Variants in PEX6 observed in about 807,000 individuals in gnomAD.
PEX6 encodes the protein peroxisomal biogenesis factor 6.
PEX6 carries 55 observed loss-of-function variants against 85.6 expected under a neutral mutation model. The observed-to-expected ratio is 0.64, with a 90% CI of 0.52 to 0.80. The LOEUF is 0.80. Ranked by LOEUF, PEX6 falls within the 30% of genes least tolerant of loss-of-function variation. The probability of loss-of-function intolerance (pLI) is 0.00; values close to 1 mark genes in which losing one functional copy is unlikely to be tolerated. For synonymous variants in PEX6, 519 were observed against 549.1 expected (o/e 0.95, Z 0.77); for missense variants, 1,099 against 1,260.3 (o/e 0.87, Z 1.94).
At position 42,974,099 on chromosome 6, in the gene PEX6, A is replaced by C. The variant is rs1272249304; in HGVS notation, c.1047-13T>G. On this transcript the variant is annotated splice_polypyrimidine_tract_variant and intron_variant, in intron 2 of 16. Coordinates refer to ENST00000304611, the MANE Select transcript of PEX6 (RefSeq NM_000287.4). ...TTCCTGGACTACCCTGCAACACAGC[A>C]GTGGCCCTGGTCAGGTCACAATGGG... The C allele has an allele frequency of 1.2e-6, 2 of 1,608,410 alleles. No homozygotes were observed. Among genetic ancestry groups the C allele is most frequent in the African/African-American group, 2.7e-5 (2 of 74,830 alleles).
chr6:42,974,903 C>T lies in PEX6; in HGVS notation c.1018G>A (p.Val340Ile). The change falls in exon 2 of 17, where the codon GTT (valine) becomes ATT (isoleucine). Residue 340 changes from valine (V) to isoleucine (I), a missense_variant. Coordinates refer to ENST00000304611, the MANE Select transcript of PEX6 (RefSeq NM_000287.4). ...GGTATCTGAAAGTGCCGGTAAAGAACACCGTCATAATTTCCATTAGTGCTG... is the reference window on the plus strand; with the variant it reads ...GGTATCTGAAAGTGCCGGTAAAGAATACCGTCATAATTTCCATTAGTGCTG... ...HYSTNGNYDG[V>I]LYRHFQIPRV... 6.2e-7 allele frequency: 1 copy of T among 1,614,064 alleles called. No individual in the cohort carries two copies. Among genetic ancestry groups the T allele is most frequent in the South Asian group, 1.1e-5 (1 of 91,080 alleles).
intron 1 of PEX6, among the ~76,000 whole-genome samples, chr6:42,975,719 T>G (rs889066594): frequency 1.3e-5 from 2 of 152,064 alleles, no homozygotes; most frequent in Non-Finnish European, 2.9e-5. Flanking sequence ...TTAGTTTTTT[T>G]TTTTTTTTTG....
Position 42,964,680 on chromosome 6 carries a change from C to T in PEX6, c.2806+110G>A, listed in dbSNP as rs1162155118. 6.7e-7 allele frequency: 1 copy of T among 1,482,274 alleles called. No individual in the cohort carries two copies. Among genetic ancestry groups the T allele is most frequent in the African/African-American group, 1.4e-5 (1 of 72,234 alleles). 91.8% of individuals were successfully genotyped at this position (1,482,274 alleles called of 1,614,324 possible). On this transcript the variant is annotated intron_variant, in intron 16 of 16. Transcript: ENST00000304611. This position sits in a 1 kb window ranked among gnomAD's most constrained non-coding sequence, Gnocchi z 4.6. Reference sequence around the variant, plus strand: ...GTGTTGCCCAGGCTGGCCTCAAACTCCTGGGCTCAAGCGATCCTCCCACCT... The same window carrying T: ...GTGTTGCCCAGGCTGGCCTCAAACTTCTGGGCTCAAGCGATCCTCCCACCT...
chr6:42,965,457 A>G lies in PEX6; in HGVS notation c.2472-89T>C, dbSNP rs1007319339. 9.5e-7 allele frequency: 1 copy of G among 1,056,490 alleles called. No homozygotes were observed. The highest frequency in any genetic ancestry group is 1.5e-6 in the Non-Finnish European group (1 of 675,128). The allele number at this position is 1,056,490 out of a possible 1,614,324, so 65.4% of individuals were successfully genotyped here. A position where few individuals can be genotyped will look rare whatever the true frequency, so the allele number is the denominator to read the frequency against. ...GGTACCTCTCTTTACAGGCAGTCTC[A>G]ACAGGGCCCTCCACTCAGCTGTGCC... On this transcript the variant is annotated intron_variant, in intron 13 of 16. Transcript: ENST00000304611. The surrounding 1 kb of genome is among the most constrained non-coding windows in gnomAD (Gnocchi z 5.0).
chr6:42,964,584 C>T lies in PEX6; in HGVS notation c.2807-113G>A. On this transcript the variant is annotated intron_variant, in intron 16 of 16. Coordinates refer to ENST00000304611, the MANE Select transcript of PEX6 (RefSeq NM_000287.4). The surrounding 1 kb of genome is among the most constrained non-coding windows in gnomAD (Gnocchi z 4.6). ...ATGTCAATGATCTTCCCTCTGGAATCCAGGACTAGGTTTGTCTCCCACTAG... is the reference window on the plus strand; with the variant it reads ...ATGTCAATGATCTTCCCTCTGGAATTCAGGACTAGGTTTGTCTCCCACTAG... The T allele has an allele frequency of 1.5e-5, 21 of 1,411,256 alleles. No individual in the cohort carries two copies. Among genetic ancestry groups the T allele is most frequent in the Non-Finnish European group, 2.1e-5 (21 of 1,006,594 alleles). The allele number at this position is 1,411,256 out of a possible 1,614,324, so 87.4% of individuals were successfully genotyped here.
chr6:42,966,186 C>T (rs1009779057), intron 11 of PEX6, 56 bp downstream of exon 11: 7 of 1,609,838 alleles, frequency 4.3e-6, no homozygotes, highest in Non-Finnish European at 5.9e-6. Context: ...CCTCCTGCTC[C>T]CCAGCCTGCT....
rs772383329 is a variant in PEX6 at position 42,978,856 on chromosome 6, G to A, written c.295C>T (p.Arg99Trp). The change falls in exon 1 of 17, where the codon CGG (arginine) becomes TGG (tryptophan). Residue 99 changes from arginine (R) to tryptophan (W), a missense_variant. Coordinates refer to ENST00000304611, the MANE Select transcript of PEX6 (RefSeq NM_000287.4). Reference protein sequence around the residue: ...GAWVRARAVRRPPALGWALLG... With the variant: ...GAWVRARAVRWPPALGWALLG... ...AGTGCCCAACCTAGCGCCGGGGGCCGCCGCACCGCCCGCGCCCGCACCCAG... is the reference window on the plus strand; with the variant it reads ...AGTGCCCAACCTAGCGCCGGGGGCCACCGCACCGCCCGCGCCCGCACCCAG... 131 of 1,503,010 alleles carry A rather than the reference G, an allele frequency of 8.7e-5. No homozygotes were observed. The highest frequency in any genetic ancestry group is 1.1e-4 in the Non-Finnish European group (124 of 1,134,906). The allele number at this position is 1,503,010 out of a possible 1,614,324, so 93.1% of individuals were successfully genotyped here.
At position 42,967,479 on chromosome 6, in the gene PEX6, G is replaced by A. The variant is rs56328719; in HGVS notation, c.1773C>T (p.Leu591=). ...ADVQTAFPHE[L]EVPALSEGQR... ...GCCCCTCTGACAGAGCAGGCACCTCGAGCTCATGAGGAAATGCTGTCTGCA... is the reference window on the plus strand; with the variant it reads ...GCCCCTCTGACAGAGCAGGCACCTCAAGCTCATGAGGAAATGCTGTCTGCA... Residue 591 remains leucine, a synonymous_variant, in exon 8 of 17, where the codon CTC becomes CTT. Transcript: ENST00000304611. 3.8e-5 allele frequency: 61 copies of A among 1,610,932 alleles called. No homozygotes were observed. Among genetic ancestry groups the A allele is most frequent in the African/African-American group, 2.0e-4 (15 of 74,884 alleles).
chr6:42,967,925 A>G (rs1325598881), intron 7 of PEX6, among the ~76,000 whole-genome samples: 2 of 146,180 alleles, frequency 1.4e-5, no homozygotes, highest in Non-Finnish European at 3.0e-5. Context: ...GAAAAGTAGG[A>G]GGGCTGGCCC....
chr6:42,965,852 G>T lies in PEX6; in HGVS notation c.2363-63C>A. The T allele has an allele frequency of 6.9e-7, 1 of 1,452,204 alleles. No homozygotes were observed. 90.0% of individuals were successfully genotyped at this position (1,452,204 alleles called of 1,614,324 possible). A position where few individuals can be genotyped will look rare whatever the true frequency, so the allele number is the denominator to read the frequency against. On this transcript the variant is annotated intron_variant, in intron 12 of 16. Transcript: ENST00000304611. This position sits in a 1 kb window ranked among gnomAD's most constrained non-coding sequence, Gnocchi z 5.0. The stretch of plus-strand genomic sequence containing the variant: ...GGCTTGTGGGGGGTTGAAGTTAGGT[G>T]AGAGCAGGGAGGGAAACTGGGGCCT...
At position 42,966,603 on chromosome 6, in the gene PEX6, A is replaced by C; in HGVS notation, c.2016T>G (p.Phe672Leu). The change falls in exon 10 of 17, where the codon TTT becomes TTG. Residue 672 changes from phenylalanine (F) to leucine (L), a missense_variant. Phe to Leu is a conservative substitution (Grantham distance 22). This residue lies in a region of PEX6 where 514 missense variants were observed against 627.0 expected (regional missense o/e 0.82). Coordinates refer to ENST00000304611, the MANE Select transcript of PEX6 (RefSeq NM_000287.4). ...EDEGELCAAG[F>L]PLLAEDFGQA... ...GCCCAAAGTCCTCAGCCAGGAGAGG[A>C]AAGCCGGCAGCACACAGCTCCCCCT... 1 of 1,613,990 alleles carries C rather than the reference A, an allele frequency of 6.2e-7. No homozygotes were observed. Among genetic ancestry groups the C allele is most frequent in the Non-Finnish European group, 8.5e-7 (1 of 1,179,994 alleles).
chr6:42,966,287 A>C lies in PEX6; in HGVS notation c.2255T>G (p.Leu752Arg). The change falls in exon 11 of 17, where the codon CTT (leucine) becomes CGT (arginine). Residue 752 changes from leucine (L) to arginine (R), a missense_variant. Around this residue, in one of 3 missense-constraint regions of PEX6, gnomAD observed 514 missense variants for 627.0 expected, o/e 0.82. Transcript: ENST00000304611. The stretch of plus-strand genomic sequence containing the variant: ...CTCAGTGGCTACTGCCTTGGCCAGA[A>C]GGGTCTTGCCGGTGCCAGGGGGCCC... ...LHGPPGTGKT[L>R]LAKAVATECS... 1 of 1,612,486 alleles carries C rather than the reference A, an allele frequency of 6.2e-7. No individual in the cohort carries two copies. Among genetic ancestry groups the C allele is most frequent in the Admixed American group, 1.7e-5 (1 of 60,024 alleles).
intron 3 of PEX6, 59 bp downstream of exon 3, chr6:42,973,944 G>A: frequency 8.8e-7 from 1 of 1,138,828 alleles, no homozygotes; most frequent in Non-Finnish European, 1.3e-6. Context: ...GGAGGGGATT[G>A]TAGAACTCAT....
rs1003757273 is a variant in PEX6 at position 42,965,041 on chromosome 6, A to C, written c.2666+34T>G. On this transcript the variant is annotated intron_variant, in intron 15 of 16. Coordinates refer to ENST00000304611, the MANE Select transcript of PEX6 (RefSeq NM_000287.4). The surrounding 1 kb of genome is among the most constrained non-coding windows in gnomAD (Gnocchi z 5.0). ...GCATCCCCTAAGCATCCCAAGGCCC[A>C]AGCCCTTCGCAGTCTTCCTCTAACA... 6.2e-7 allele frequency: 1 copy of C among 1,612,872 alleles called. No individual in the cohort carries two copies. The highest frequency in any genetic ancestry group is 1.3e-5 in the African/African-American group (1 of 75,038).
rs1456126087 is a variant in PEX6 at position 42,963,939 on chromosome 6, C to T, written c.*396G>A. 4.9e-6 allele frequency: 3 copies of T among 609,402 alleles called. No individual in the cohort carries two copies. The highest frequency in any genetic ancestry group is 8.9e-6 in the Non-Finnish European group (3 of 336,794). 37.7% of individuals were successfully genotyped at this position (609,402 alleles called of 1,614,324 possible). On this transcript the variant is annotated 3_prime_UTR_variant, in exon 17 of 17. Transcript: ENST00000304611. Reference sequence around the variant, plus strand: ...CTCCCATGCTGCCCACCCCCCCACCCTCTCCCAGGGCTTACTCCTCCCACA... The same window carrying T: ...CTCCCATGCTGCCCACCCCCCCACCTTCTCCCAGGGCTTACTCCTCCCACA...
chr6:42,977,514 G>A (rs1360755209), intron 1 of PEX6, among the ~76,000 whole-genome samples: 2 of 151,956 alleles, frequency 1.3e-5, no homozygotes, highest in Non-Finnish European at 2.9e-5. Flanking sequence ...TCAATAGGCC[G>A]GGTGAGGTGG....
Position 42,971,881 on chromosome 6 carries a change from T to C in PEX6, c.1131-1894A>G, listed in dbSNP as rs922722863. Among the ~76,000 whole-genome samples the C allele has an allele frequency of 1.3e-5, 2 of 152,226 alleles. No homozygotes were observed. The highest frequency in any genetic ancestry group is 4.8e-5 in the African/African-American group (2 of 41,456). The stretch of plus-strand genomic sequence containing the variant: ...AGTGGGCATTCTGTAGTTTTCCTAC[T>C]GAAAGCTAGCTCAAAGACGTTTGCT... On this transcript the variant is annotated intron_variant, in intron 3 of 16. Transcript: ENST00000304611. The surrounding 1 kb of genome is among the most constrained non-coding windows in gnomAD (Gnocchi z 4.4).
intron 8 of PEX6, among the ~76,000 whole-genome samples, 159 bp from the exon 9 acceptor site, chr6:42,967,017 G>T (rs1300611537): frequency 2.9e-5 from 4 of 140,228 alleles, no homozygotes; most frequent in African/African-American, 1.1e-4. Context: ...TTGTTGCTCA[G>T]GCTGGAGTGC....
At position 42,968,949 on chromosome 6, in the gene PEX6, TAGA is replaced by T. The variant is rs1222318292; in HGVS notation, c.1401_1403del (p.Leu468del). The T allele has an allele frequency of 1.2e-6, 2 of 1,613,838 alleles. No individual in the cohort carries two copies. The highest frequency in any genetic ancestry group is 1.3e-5 in the African/African-American group (1 of 74,916). ...TCTTCCCACAGCCTGGGGGGCCCCG[TAGA>T]AGGACACTGCTAGTTCCTGTCAGCA... On this transcript the variant is annotated inframe_deletion, in exon 6 of 17. Coordinates refer to ENST00000304611, the MANE Select transcript of PEX6 (RefSeq NM_000287.4).
Sources: allele counts gnomAD v4.1 joint callset (sites outside exome capture counted in the v4.1 genomes callset), GRCh38; gene constraint gnomAD v4.1.1; regional missense constraint gnomAD v4.1.1; non-coding constraint Gnocchi (gnomAD v3.1); transcripts MANE v1.5; gene names NCBI Gene and HGNC (gene_info 2026-07-23, HGNC 2026-07-21).